The following PTPRD variants were observed in gnomAD, a reference collection of about 807,000 sequenced individuals.
PTPRD encodes receptor-type tyrosine-protein phosphatase delta.
Under a neutral mutation model 214.5 loss-of-function variants are expected in PTPRD, and 34 were observed. The ratio of observed to expected loss-of-function variants is 0.16; its 90% confidence interval spans 0.12 to 0.21. The LOEUF (loss-of-function observed/expected upper bound fraction) is 0.21, where lower values mean the gene tolerates loss of function less well. Among genes scored for constraint, PTPRD ranks in the 10% least tolerant of loss-of-function variants. The pLI is 1.00. For synonymous variants in PTPRD, 1,128 were observed against 845.7 expected (o/e 1.33, Z -5.79); for missense variants, 2,545 against 2,398.7 (o/e 1.06, Z -1.27).
At chr9:10,608,236 T>C (rs1004501217) in intron 2 of PTPRD, among the ~76,000 whole-genome samples, 1 of 151,968 alleles carries the variant, frequency 6.6e-6, no homozygotes, top group Non-Finnish European at 1.5e-5. Context: ...ACACTAAGCA[T>C]CCCCTTTTAC....
chr9:9,280,555 A>T (rs559964866), intron 9 of PTPRD, among the ~76,000 whole-genome samples: 1 of 151,442 alleles, frequency 6.6e-6, no homozygotes, highest in African/African-American at 2.4e-5. Flanking sequence ...TGGAATAGTT[A>T]AGCATAAATC....
chr9:9,215,636 C>T (rs10977586), intron 9 of PTPRD, among the ~76,000 whole-genome samples: 59,268 of 151,674 alleles, frequency 0.39, 11,944 homozygotes, highest in African/African-American at 0.48. Context: ...GGAGTTGGGA[C>T]GAAGGGAGCA....
In PTPRD at chr9:8,517,966, T is replaced by C. The variant is rs2097816441; in HGVS notation, c.1425A>G (p.Gln475=). The change falls in exon 21 of 46, where the codon CAA becomes CAG. Residue 475 remains glutamine, a synonymous_variant. Coordinates refer to ENST00000381196, the MANE Select transcript of PTPRD (RefSeq NM_002839.4). ...NWMKHNVADS[Q]ITTIGNLVPQ... The stretch of plus-strand genomic sequence containing the variant: ...GCACTAAGTTGCCAATAGTAGTGAT[T>C]TGGCTGTCAGCTACATTGTGTTTCA... 2 of 1,614,186 alleles carry C rather than the reference T, an allele frequency of 1.2e-6. No individual in the cohort carries two copies. The highest frequency in any genetic ancestry group is 1.7e-6 in the Non-Finnish European group (2 of 1,180,010).
At chr9:8,681,244 T>C (rs1006694021) in intron 12 of PTPRD, among the ~76,000 whole-genome samples, 2 of 152,146 alleles carry the variant, frequency 1.3e-5, no homozygotes, top group Non-Finnish European at 2.9e-5. Context: ...TTTTAGTTAA[T>C]GGTAAAGTCC....
intron 5 of PTPRD, among the ~76,000 whole-genome samples, chr9:9,914,160 C>T (rs1035124719): frequency 2.0e-5 from 3 of 152,144 alleles, no homozygotes; most frequent in African/African-American, 4.8e-5. Flanking sequence ...GAGAGAACTC[C>T]GAGGTTCTGA....
chr9:8,722,805 A>C (rs542772929), intron 12 of PTPRD, among the ~76,000 whole-genome samples: 2 of 152,338 alleles, frequency 1.3e-5, no homozygotes, highest in South Asian at 4.1e-4. Context: ...TCTGCTTTAA[A>C]AGAAAAATAA....
chr9:9,069,864 A>G (rs1353890658), intron 10 of PTPRD, among the ~76,000 whole-genome samples: 2 of 152,216 alleles, frequency 1.3e-5, no homozygotes, highest in Non-Finnish European at 2.9e-5. Flanking sequence ...AGATTGAATC[A>G]TCTAGCTATT....
chr9:8,756,484 C>G (rs1312771116), intron 11 of PTPRD, among the ~76,000 whole-genome samples: 1 of 152,184 alleles, frequency 6.6e-6, no homozygotes, highest in East Asian at 1.9e-4. Context: ...TTTCTTCTAA[C>G]TCACAGATCA....
At chr9:9,072,039 G>T (rs1460979267) in intron 10 of PTPRD, among the ~76,000 whole-genome samples, 1 of 152,118 alleles carries the variant, frequency 6.6e-6, no homozygotes, top group Non-Finnish European at 1.5e-5. Context: ...AGAAGTGATT[G>T]TTTCCTCAGG....
intron 3 of PTPRD, among the ~76,000 whole-genome samples, chr9:10,126,046 A>C (rs372076112): frequency 1.3e-5 from 2 of 152,126 alleles, no homozygotes; most frequent in African/African-American, 2.4e-5. Flanking sequence ...GAAATTTTTA[A>C]TTTAGGCTTT....
Position 8,507,405 on chromosome 9 carries a change from C to G in PTPRD, c.1573G>C (p.Glu525Gln). 1 of 1,613,958 alleles carries G rather than the reference C, an allele frequency of 6.2e-7. No individual in the cohort carries two copies. The highest frequency in any genetic ancestry group is 8.5e-7 in the Non-Finnish European group (1 of 1,179,864). The change falls in exon 22 of 46, where the codon GAA becomes CAA. Residue 525 changes from glutamate (E) to glutamine (Q), a missense_variant. Coordinates refer to ENST00000381196, the MANE Select transcript of PTPRD (RefSeq NM_002839.4). ...AAAATACTTGTTTCAGACTCAGGTT[C>G]TGCTTTGAAGTTTAGTGGCTGCCCT... ...VPGQPLNFKA[E>Q]PESETSILLS... is the part of the protein sequence containing the mutation.
intron 9 of PTPRD, among the ~76,000 whole-genome samples, chr9:9,368,622 G>C (rs1251701508): frequency 1.3e-5 from 2 of 151,816 alleles, no homozygotes; most frequent in Non-Finnish European, 2.9e-5. Context: ...CACTCTTAGG[G>C]GGAACTCTTG....
intron 28 of PTPRD, 52 bp from the exon 29 acceptor site, chr9:8,485,376 C>G (rs1317826850): frequency 7.7e-7 from 1 of 1,293,598 alleles, no homozygotes; most frequent in Non-Finnish European, 1.1e-6. Context: ...AACAGATGAC[C>G]TGTCCTTTCC....
At chr9:10,011,551 C>T (rs761838357) in intron 4 of PTPRD, among the ~76,000 whole-genome samples, 4 of 152,020 alleles carry the variant, frequency 2.6e-5, no homozygotes, top group Admixed American at 1.3e-4. Flanking sequence ...AATAGACTAG[C>T]ATCAAAACAT....
chr9:8,908,435 G>A (rs1480652298), intron 11 of PTPRD, among the ~76,000 whole-genome samples: 1 of 151,880 alleles, frequency 6.6e-6, no homozygotes, highest in South Asian at 2.1e-4. Flanking sequence ...ATCAACAACA[G>A]AAAAAAATTG....
intron 11 of PTPRD, among the ~76,000 whole-genome samples, chr9:8,812,530 GA>G (rs2096831080): frequency 6.6e-6 from 1 of 152,170 alleles, no homozygotes; most frequent in Admixed American, 6.5e-5. Flanking sequence ...AATATATTCT[GA>G]AAGTACATGT....
chr9:10,243,643 A>T (rs1262934012), intron 3 of PTPRD, among the ~76,000 whole-genome samples: 3 of 151,996 alleles, frequency 2.0e-5, no homozygotes, highest in African/African-American at 7.2e-5. Flanking sequence ...AGAGATATGT[A>T]TATTTTCTTC....
chr9:8,520,372 C>T (rs543099389), intron 20 of PTPRD, among the ~76,000 whole-genome samples: 2 of 152,092 alleles, frequency 1.3e-5, no homozygotes, highest in South Asian at 2.1e-4. Context: ...AGATGCGATA[C>T]CAATTATAAC....
At chr9:10,171,290 G>A (rs1164505601) in intron 3 of PTPRD, among the ~76,000 whole-genome samples, 1 of 152,078 alleles carries the variant, frequency 6.6e-6, no homozygotes, top group Non-Finnish European at 1.5e-5. Flanking sequence ...ACCTGGTGGA[G>A]ACAATTTAAT....
Sources: allele counts gnomAD v4.1 joint callset (sites outside exome capture counted in the v4.1 genomes callset), GRCh38; gene constraint gnomAD v4.1.1; transcripts MANE v1.5; gene names NCBI Gene and HGNC (gene_info 2026-07-23, HGNC 2026-07-21).